The following ADGRF5 variants were observed in gnomAD, a reference collection of about 807,000 sequenced individuals.
ADGRF5 encodes adhesion G protein-coupled receptor F5.
ADGRF5 carries 75 observed loss-of-function variants against 132.3 expected under a neutral mutation model. The ratio of observed to expected loss-of-function variants is 0.57; its 90% CI spans 0.47 to 0.69. The LOEUF (loss-of-function observed/expected upper bound fraction) is 0.69, where lower values mean the gene tolerates loss of function less well. Ranked by LOEUF, ADGRF5 falls within the 30% of genes least tolerant of loss-of-function variation. The pLI, the probability that ADGRF5 is intolerant of heterozygous loss-of-function variation, is 0.00. For synonymous variants in ADGRF5, 629 were observed against 597.6 expected, an observed-to-expected ratio of 1.05 and a Z score of -0.77; for missense variants, 1,516 against 1,630.6, an observed-to-expected ratio of 0.93 and a Z score of 1.21.
intron 3 of ADGRF5, among the ~76,000 whole-genome samples, chr6:46,895,669 C>A: frequency 6.6e-6 from 1 of 150,668 alleles, no homozygotes; most frequent in Non-Finnish European, 1.5e-5. Flanking sequence ...TGCCTCTCCT[C>A]AGTTATTCCT....
chr6:46,882,177 A>G, intron 6 of ADGRF5, 70 bp from the exon 7 acceptor site: 1 of 1,055,668 alleles, frequency 9.5e-7, no homozygotes, highest in Non-Finnish European at 1.5e-6. Flanking sequence ...GATCTGAAGC[A>G]GAGTAAAAAC....
intron 1 of ADGRF5, among the ~76,000 whole-genome samples, chr6:46,920,108 G>C (rs1184116840): frequency 6.6e-6 from 1 of 152,098 alleles, no homozygotes; most frequent in African/African-American, 2.4e-5. Flanking sequence ...TATCAATCTA[G>C]CTATTATCTA....
In ADGRF5 at chr6:46,884,234, G is replaced by C. The variant is rs138073254; in HGVS notation, c.366C>G (p.Cys122Trp). The C allele has an allele frequency of 6.2e-7, 1 of 1,613,898 alleles. No homozygotes were observed. Residue 122 changes from cysteine (C) to tryptophan (W), a missense_variant, in exon 5 of 21, where the codon TGC becomes TGG. This residue lies in a region of ADGRF5 where 945 missense variants were observed against 929.4 expected (regional missense o/e 1.02). Coordinates refer to ENST00000283296, the MANE Select transcript of ADGRF5 (RefSeq NM_001098518.2). ...CCCGAGGCCACCCATAACCTGTCTC[G>C]CAGGAGCACCAGATTTCATTTCCAG... Reference protein sequence around the residue: ...RPAGNEIWCSCETGYGWPRER... With the variant: ...RPAGNEIWCSWETGYGWPRER...
At chr6:46,870,340 G>A (rs1407685341) in intron 11 of ADGRF5, among the ~76,000 whole-genome samples, 1 of 151,760 alleles carries the variant, frequency 6.6e-6, no homozygotes, top group South Asian at 2.1e-4. Context: ...ATTTTTTATT[G>A]GTAGAGACAG....
intron 3 of ADGRF5, among the ~76,000 whole-genome samples, chr6:46,893,389 G>A (rs530297805): frequency 3.9e-5 from 6 of 152,158 alleles, no homozygotes; most frequent in African/African-American, 1.2e-4. Flanking sequence ...GTAATGCACC[G>A]AGGTGACAGG....
intron 3 of ADGRF5, among the ~76,000 whole-genome samples, chr6:46,890,779 A>G (rs1375959658): frequency 6.6e-6 from 1 of 152,352 alleles, no homozygotes; most frequent in South Asian, 2.1e-4. Flanking sequence ...TTTAAAATTT[A>G]CATTCTATCT....
intron 1 of ADGRF5, among the ~76,000 whole-genome samples, chr6:46,920,532 G>GGC (rs1373606241): frequency 7.5e-6 from 1 of 132,922 alleles, no homozygotes; most frequent in Non-Finnish European, 1.6e-5. Context: ...TATTTGGGGG[G>GGC]GGGGAAGAGA....
chr6:46,905,809 A>G (rs1775294440), intron 2 of ADGRF5, among the ~76,000 whole-genome samples: 1 of 152,258 alleles, frequency 6.6e-6, no homozygotes, highest in Admixed American at 6.5e-5. Flanking sequence ...TACTACAATA[A>G]GAGAAACAAT....
rs1050647829 is a variant in ADGRF5, at chr6:46,867,093, C to T, written c.1666G>A (p.Ala556Thr). 3 of 1,613,062 alleles carry T rather than the reference C, an allele frequency of 1.9e-6. No homozygotes were observed. The highest frequency in any genetic ancestry group is 2.7e-5 in the African/African-American group (2 of 74,866). ...IFRYKNSYSI[A>T]TKDVIVHPLP... ...GGGTGAACAATGACGTCTTTGGTTG[C>T]AATACTGTATGAATTCTTATATCTA... The change falls in exon 13 of 21, where the codon GCA (alanine) becomes ACA (threonine). Residue 556 changes from alanine to threonine, a missense_variant. Physicochemically the swap from Ala to Thr is moderately conservative, Grantham distance 58. Coordinates refer to ENST00000283296, the MANE Select transcript of ADGRF5 (RefSeq NM_001098518.2).
rs1056898559 is a variant in ADGRF5 at position 46,853,901 on chromosome 6, G to A, written c.*91C>T. 25 of 869,250 alleles carry A rather than the reference G, an allele frequency of 2.9e-5. No homozygotes were observed. Among genetic ancestry groups the A allele is most frequent in the Admixed American group, 2.2e-4 (9 of 41,150 alleles). The allele number at this position is 869,250 out of a possible 1,614,324, so 53.8% of individuals were successfully genotyped here. On this transcript the variant is annotated 3_prime_UTR_variant, in exon 21 of 21. Transcript: ENST00000283296. ...GCATCTGCTCCCGGAAACCTGCCCC[G>A]AGAACACGTTCCCCATTGCTTTGCA... is the stretch of plus-strand genomic sequence containing the variant.
intron 1 of ADGRF5, among the ~76,000 whole-genome samples, chr6:46,934,211 C>T (rs776108973): frequency 2.6e-5 from 4 of 152,180 alleles, no homozygotes; most frequent in African/African-American, 7.2e-5. Context: ...AACAAACATA[C>T]ACACACATGC....
At chr6:46,884,025 A>G (rs553235554) in intron 5 of ADGRF5, 70 bp downstream of exon 5, 2 of 1,230,774 alleles carry the variant, frequency 1.6e-6, no homozygotes, top group East Asian at 4.7e-5. Flanking sequence ...TACAGGCATG[A>G]GCCACCATGC....
At chr6:46,866,578 G>A (rs903843077) in intron 13 of ADGRF5, among the ~76,000 whole-genome samples, 10 of 151,800 alleles carry the variant, frequency 6.6e-5, no homozygotes, top group African/African-American at 2.4e-4. Context: ...TGCATTTAAA[G>A]GGATTTTCAT....
chr6:46,928,229 C>CT (rs1385218189), intron 1 of ADGRF5, among the ~76,000 whole-genome samples: 1 of 152,142 alleles, frequency 6.6e-6, no homozygotes, highest in Admixed American at 6.5e-5. Flanking sequence ...CCTGGGAATT[C>CT]CTAAGGATGT....
intron 10 of ADGRF5, among the ~76,000 whole-genome samples, chr6:46,877,906 CT>C (rs1227753839): frequency 1.3e-5 from 2 of 152,122 alleles, no homozygotes; most frequent in Non-Finnish European, 2.9e-5. Context: ...CTTTTCTTGT[CT>C]TTTTTTAGAT....
intron 1 of ADGRF5, among the ~76,000 whole-genome samples, chr6:46,938,575 G>C (rs1777934135): frequency 6.6e-6 from 1 of 152,100 alleles, no homozygotes; most frequent in African/African-American, 2.4e-5. Context: ...TGGTGGATGG[G>C]GATCAGCACC....
intron 1 of ADGRF5, among the ~76,000 whole-genome samples, chr6:46,932,720 G>A (rs1777614511): frequency 6.6e-6 from 1 of 152,188 alleles, no homozygotes. Flanking sequence ...AATCATCTGT[G>A]TGGTGAAAAT....
chr6:46,926,487 G>GCA (rs1408126724), upstream of ADGRF5, among the ~76,000 whole-genome samples: 3 of 152,196 alleles, frequency 2.0e-5, no homozygotes, highest in African/African-American at 7.2e-5. Context: ...GGGTGAGGGG[G>GCA]GGGGCAGTGC....
At chr6:46,863,159 G>A (rs1354935131) in intron 14 of ADGRF5, 63 bp from the exon 15 acceptor site, 9 of 1,248,756 alleles carry the variant, frequency 7.2e-6, no homozygotes, top group Non-Finnish European at 9.4e-6. Flanking sequence ...GTAGAAATAC[G>A]GTCAGGCCAA....
Sources: gnomAD v4.1 joint callset for allele counts (sites outside exome capture counted in the v4.1 genomes callset) on GRCh38, gnomAD v4.1.1 for gene constraint, gnomAD v4.1.1 regional missense constraint, MANE v1.5 for transcripts, NCBI Gene and HGNC (gene_info 2026-07-23, HGNC 2026-07-21) for gene names.